Variants in SLC2A9 observed in about 807,000 individuals in gnomAD.
SLC2A9 encodes solute carrier family 2 member 9.
SLC2A9 carries 39 observed loss-of-function variants against 50.6 expected under a neutral mutation model. The observed-to-expected ratio is 0.77, with a 90% CI of 0.60 to 1.01. The LOEUF (loss-of-function observed/expected upper bound fraction) is 1.01, where lower values mean the gene tolerates loss of function less well. SLC2A9 is among the 50% of genes least tolerant of loss of function. The pLI, the probability that SLC2A9 is intolerant of heterozygous loss-of-function variation, is 0.00. For synonymous variants in SLC2A9, 324 were observed against 276.9 expected (o/e 1.17, Z -1.69); for missense variants, 686 against 677.6 (o/e 1.01, Z -0.14).
chr4:9,935,653 A>C (rs1746930818), intron 6 of SLC2A9, among the ~76,000 whole-genome samples: 1 of 152,204 alleles, frequency 6.6e-6, no homozygotes, highest in Non-Finnish European at 1.5e-5. Context: ...TATGTGGAAG[A>C]ACTCAACAAG....
intron 1 of SLC2A9, among the ~76,000 whole-genome samples, chr4:9,772,885 C>T (rs1476444511): frequency 6.6e-6 from 1 of 151,040 alleles, no homozygotes. Flanking sequence ...AGGTTAGTTA[C>T]ATATGTATAC....
chr4:10,013,806 C>T (rs1182190654), intron 2 of SLC2A9, among the ~76,000 whole-genome samples: 1 of 152,152 alleles, frequency 6.6e-6, no homozygotes, highest in African/African-American at 2.4e-5. Flanking sequence ...GGAGTCTGTG[C>T]CCCGATCACC....
intron 10 of SLC2A9, among the ~76,000 whole-genome samples, chr4:9,874,548 C>T (rs947460366): frequency 2.6e-5 from 4 of 152,222 alleles, no homozygotes; most frequent in African/African-American, 9.6e-5. Context: ...AGAAAGGAAG[C>T]TCAGAGGCCA....
At chr4:9,932,173 T>TG (rs1746269944) in intron 6 of SLC2A9, among the ~76,000 whole-genome samples, 1 of 151,510 alleles carries the variant, frequency 6.6e-6, no homozygotes, top group Non-Finnish European at 1.5e-5. Context: ...TGGGTGAAAC[T>TG]GCTTCATGTT....
At chr4:9,827,150 A>T (rs1725282425) in intron 11 of SLC2A9, among the ~76,000 whole-genome samples, 1 of 152,350 alleles carries the variant, frequency 6.6e-6, no homozygotes, top group African/African-American at 2.4e-5. Flanking sequence ...GCTCAATGCA[A>T]TCACTCCGTT....
chr4:9,860,710 A>T (rs1409167408), intron 10 of SLC2A9, among the ~76,000 whole-genome samples: 1 of 152,158 alleles, frequency 6.6e-6, no homozygotes, highest in Non-Finnish European at 1.5e-5. Context: ...TTCCTTTTTG[A>T]CAGAGAGTCC....
downstream of SLC2A9, among the ~76,000 whole-genome samples, chr4:9,777,399 CT>C (rs1717712498): frequency 6.6e-6 from 1 of 151,050 alleles, no homozygotes; most frequent in Admixed American, 6.6e-5. Flanking sequence ...TTATCATCTT[CT>C]GCTAGAAGTT....
intron 10 of SLC2A9, among the ~76,000 whole-genome samples, chr4:9,874,311 G>C (rs934704855): frequency 1.3e-5 from 2 of 152,176 alleles, no homozygotes; most frequent in Non-Finnish European, 2.9e-5. Flanking sequence ...TGAATAAACA[G>C]AATGATCACA....
chr4:9,826,486 G>A lies in SLC2A9; in HGVS notation c.1534C>T (p.Gln512Ter). Reference protein sequence around the residue: ...TKNRTYAEISQAFSKRNKAYP... With the variant: ...TKNRTYAEIS ...GCTTTGTTCCTTTTGGAAAATGCCT[G>A]GCTGATTTCTGCATAGGTTCTGTTT... The change falls in exon 12 of 12, where the codon CAG becomes TAG. Residue 512 changes from glutamine (Q) to a stop codon, truncating the protein, a stop_gained. Coordinates refer to ENST00000264784, the MANE Select transcript of SLC2A9 (RefSeq NM_020041.3). LOFTEE classifies it low-confidence loss of function (END_TRUNC). The A allele has an allele frequency of 6.2e-7, 1 of 1,614,034 alleles. No homozygotes were observed. Among genetic ancestry groups the A allele is most frequent in the Non-Finnish European group, 8.5e-7 (1 of 1,179,954 alleles).
At chr4:9,795,414 A>C (rs1368154996), downstream of SLC2A9, among the ~76,000 whole-genome samples, 1 of 152,166 alleles carries the variant, frequency 6.6e-6, no homozygotes, top group Non-Finnish European at 1.5e-5. Flanking sequence ...TTAAAACCTC[A>C]AGGAGGATTC....
chr4:9,905,132 A>G (rs1241548537), intron 8 of SLC2A9, among the ~76,000 whole-genome samples: 1 of 152,228 alleles, frequency 6.6e-6, no homozygotes, highest in African/African-American at 2.4e-5. Flanking sequence ...CTGGCACAGT[A>G]TGAGTGCACC....
chr4:9,858,155 A>G (rs1321898684), intron 10 of SLC2A9, among the ~76,000 whole-genome samples: 1 of 152,206 alleles, frequency 6.6e-6, no homozygotes, highest in Non-Finnish European at 1.5e-5. Flanking sequence ...GAGACACTAA[A>G]TTGATCTGCA....
At chr4:10,025,973 C>G (rs1763738245), upstream of SLC2A9, 1 of 1,614,086 alleles carries the variant, frequency 6.2e-7, no homozygotes, top group Non-Finnish European at 8.5e-7. Context: ...TCATGGTTCA[C>G]TTTTCAGGTT....
At chr4:9,866,847 C>G (rs914684543) in intron 10 of SLC2A9, among the ~76,000 whole-genome samples, 1 of 152,190 alleles carries the variant, frequency 6.6e-6, no homozygotes, top group African/African-American at 2.4e-5. Context: ...AGGCCAGCAC[C>G]ACTCTACTGG....
At chr4:9,815,948 T>C (rs1412777664) in intron 3 of SLC2A9, among the ~76,000 whole-genome samples, 58 of 152,124 alleles carry the variant, frequency 3.8e-4, no homozygotes, top group Admixed American at 3.8e-3. Context: ...GGCAGGTGGA[T>C]CACTTGAGGT....
At chr4:9,813,432 G>A (rs1048521686) in intron 3 of SLC2A9, among the ~76,000 whole-genome samples, 1 of 152,004 alleles carries the variant, frequency 6.6e-6, no homozygotes, top group Non-Finnish European at 1.5e-5. Flanking sequence ...ATCCTCACTG[G>A]AGATGCAGCT....
At chr4:9,905,820 C>A (rs564534492) in intron 8 of SLC2A9, among the ~76,000 whole-genome samples, 2 of 152,250 alleles carry the variant, frequency 1.3e-5, no homozygotes, top group South Asian at 4.2e-4. Flanking sequence ...CCATGTAGAA[C>A]ACTTTGGGGT....
chr4:9,836,088 C>CA (rs35303241), intron 10 of SLC2A9, among the ~76,000 whole-genome samples: 4,226 of 47,756 alleles, frequency 0.088, 184 homozygotes, highest in Non-Finnish European at 0.11. Flanking sequence ...AACTCCCTCT[C>CA]AAAAAAAAAA....
intron 3 of SLC2A9, chr4:9,782,959 G>A (rs1279635066): frequency 6.2e-7 from 1 of 1,613,850 alleles, no homozygotes; most frequent in African/African-American, 1.3e-5. Context: ...GTTGCTGGCT[G>A]CCCTTCTTCA....
Sources: gnomAD v4.1 joint callset for allele counts (sites outside exome capture counted in the v4.1 genomes callset) on GRCh38, gnomAD v4.1.1 for gene constraint, MANE v1.5 for transcripts, NCBI Gene and HGNC (gene_info 2026-07-23, HGNC 2026-07-21) for gene names.